Variants in PADI1 observed in about 807,000 individuals in gnomAD.
The protein encoded by PADI1 is peptidyl arginine deiminase 1.
PADI1 carries 65 observed loss-of-function variants against 74.8 expected under a neutral mutation model. The ratio of observed to expected loss-of-function variants is 0.87; its 90% CI spans 0.71 to 1.07. The LOEUF (loss-of-function observed/expected upper bound fraction) is 1.07. PADI1 is among the 50% of genes least tolerant of loss of function. The probability of loss-of-function intolerance (pLI) is 0.00; values close to 1 mark genes in which losing one functional copy is unlikely to be tolerated. For missense variants in PADI1, 943 were observed against 854.0 expected (o/e 1.10, Z -1.30); for synonymous variants, 371 against 336.2 (o/e 1.10, Z -1.13).
At chr1:17,210,502 C>A (rs1021064322) in intron 1 of PADI1, among the ~76,000 whole-genome samples, 1 of 152,112 alleles carries the variant, frequency 6.6e-6, no homozygotes, top group African/African-American at 2.4e-5. Flanking sequence ...AGCTGTCCCT[C>A]TTCTCCAGCC....
At chr1:17,216,424 C>T (rs371851496) in intron 1 of PADI1, among the ~76,000 whole-genome samples, 19 of 152,024 alleles carry the variant, frequency 1.2e-4, no homozygotes, top group South Asian at 1.0e-3. Context: ...GCTGGCTGTG[C>T]GAGTGAGGGA....
At chr1:17,218,651 A>C (rs2072044131) in intron 1 of PADI1, among the ~76,000 whole-genome samples, 2 of 152,230 alleles carry the variant, frequency 1.3e-5, no homozygotes, top group African/African-American at 4.8e-5. Context: ...GGCAGGTTGC[A>C]GACGCAAAGA....
At chr1:17,231,785 AT>A (rs2072495816) in intron 10 of PADI1, among the ~76,000 whole-genome samples, 1 of 151,438 alleles carries the variant, frequency 6.6e-6, no homozygotes, top group Non-Finnish European at 1.5e-5. Context: ...GTATATATAT[AT>A]TTTTTATTAT....
At chr1:17,218,503 T>G (rs1195704438) in intron 1 of PADI1, among the ~76,000 whole-genome samples, 1 of 151,732 alleles carries the variant, frequency 6.6e-6, no homozygotes, top group Non-Finnish European at 1.5e-5. Flanking sequence ...AGCTGCCAAG[T>G]GGGAAAGTGT....
chr1:17,213,073 G>C (rs955986749), intron 1 of PADI1, among the ~76,000 whole-genome samples: 8 of 152,128 alleles, frequency 5.3e-5, no homozygotes, highest in South Asian at 2.1e-4. Context: ...GGGCACACAC[G>C]CACTCATTTT....
chr1:17,218,326 T>G (rs1375514977), intron 1 of PADI1, among the ~76,000 whole-genome samples: 1 of 152,270 alleles, frequency 6.6e-6, no homozygotes, highest in Admixed American at 6.5e-5. Flanking sequence ...ATAATAAATT[T>G]ATATATACAT....
At position 17,207,652 on chromosome 1, in the gene PADI1, C is replaced by T. The variant is rs139864076; in HGVS notation, c.92+2343C>T. Reference sequence around the variant, plus strand: ...GGGAGCATAGGGTGTCTGTAAAGCTCCTTAGCGTCCTCAAATGCAGGCCCT... The same window carrying T: ...GGGAGCATAGGGTGTCTGTAAAGCTTCTTAGCGTCCTCAAATGCAGGCCCT... On this transcript the variant is annotated intron_variant, in intron 1 of 15. Transcript: ENST00000375471. 1.0e-3 allele frequency among the ~76,000 whole-genome samples: 157 copies of T among 152,316 alleles called. 1 individual carries two copies. The highest frequency in any genetic ancestry group is 3.6e-3 in the African/African-American group (150 of 41,556).
Position 17,228,649 on chromosome 1 carries a change from A to G in PADI1, c.677A>G (p.Lys226Arg). 6.2e-7 allele frequency: 1 copy of G among 1,614,132 alleles called. No homozygotes were observed. The highest frequency in any genetic ancestry group is 8.5e-7 in the Non-Finnish European group (1 of 1,180,012). Residue 226 changes from lysine to arginine, a missense_variant, in exon 7 of 16, where the codon AAA (lysine) becomes AGA (arginine). Coordinates refer to ENST00000375471, the MANE Select transcript of PADI1 (RefSeq NM_013358.3). ...ARGGNSLSDYKQVLGPQCLSY... is the reference protein window; with the variant it reads ...ARGGNSLSDYRQVLGPQCLSY... ...GGTGGGAATTCTCTCTCGGACTACAAACAGGTGCTGGGGCCCCAGTGTCTG... is the reference window on the plus strand; with the variant it reads ...GGTGGGAATTCTCTCTCGGACTACAGACAGGTGCTGGGGCCCCAGTGTCTG...
chr1:17,226,168 C>T lies in PADI1; in HGVS notation c.652+10C>T, dbSNP rs763449344. 3 of 1,613,892 alleles carry T rather than the reference C, an allele frequency of 1.9e-6. No homozygotes were observed. In the East Asian group the frequency reaches 6.7e-5, roughly 36 times the overall value. On this transcript the variant is annotated intron_variant, in intron 6 of 15. Transcript: ENST00000375471. ...GTCTTCTGTGCCAGGGGTGAGTGGC[C>T]TGATGGGGCCTTTTCCTCCCAGCTC...
intron 11 of PADI1, among the ~76,000 whole-genome samples, chr1:17,234,026 C>T (rs1461751157): frequency 1.3e-5 from 2 of 152,166 alleles, no homozygotes; most frequent in Non-Finnish European, 2.9e-5. Flanking sequence ...GTCCTTGAGG[C>T]CTCAGGACAG....
In PADI1 at chr1:17,224,372, T is replaced by A. The variant is rs1391040190; in HGVS notation, c.352T>A (p.Ser118Thr). The change falls in exon 4 of 16, where the codon TCC becomes ACC. Residue 118 changes from serine (S) to threonine (T), a missense_variant. Transcript: ENST00000375471. ...SVLYLTGVDI[S>T]LEVDTGRTGK... ...CCCTCTCCATCTCTTTGCAGATATT[T>A]CCCTTGAGGTTGACACAGGCCGCAC... is the stretch of plus-strand genomic sequence containing the variant. The A allele has an allele frequency of 5.0e-6, 8 of 1,613,676 alleles. No individual in the cohort carries two copies.
chr1:17,215,646 C>T (rs889279841), intron 1 of PADI1, among the ~76,000 whole-genome samples: 3 of 152,014 alleles, frequency 2.0e-5, no homozygotes, highest in African/African-American at 4.8e-5. Flanking sequence ...TGGGCCAGGC[C>T]GACTGGATTC....
chr1:17,237,911 G>C (rs1371245314), intron 12 of PADI1, among the ~76,000 whole-genome samples: 1 of 152,226 alleles, frequency 6.6e-6, no homozygotes, highest in Non-Finnish European at 1.5e-5. Flanking sequence ...AAGCCTTGCA[G>C]AGGTGGCTTG....
chr1:17,215,518 G>A (rs536773802), intron 1 of PADI1, among the ~76,000 whole-genome samples: 12 of 152,234 alleles, frequency 7.9e-5, no homozygotes, highest in African/African-American at 2.6e-4. Context: ...CCTTGAAAGG[G>A]CTGTGTCTGG....
Position 17,244,283 on chromosome 1 carries a change from G to A in PADI1, c.*40G>A, listed in dbSNP as rs1569860950. On this transcript the variant is annotated 3_prime_UTR_variant, in exon 16 of 16. Transcript: ENST00000375471. Reference sequence around the variant, plus strand: ...GCCATCCTCTCTGCCCTCTTGCTAGGGAACCCTGCCAGGGTGAAGGCAAGG... The same window carrying A: ...GCCATCCTCTCTGCCCTCTTGCTAGAGAACCCTGCCAGGGTGAAGGCAAGG... 2.0e-6 allele frequency: 3 copies of A among 1,499,550 alleles called. No individual in the cohort carries two copies. Among genetic ancestry groups the A allele is most frequent in the Non-Finnish European group, 2.8e-6 (3 of 1,075,592 alleles). 92.9% of individuals were successfully genotyped at this position (1,499,550 alleles called of 1,614,324 possible).
chr1:17,240,835 G>C (rs953800093), intron 15 of PADI1, 75 bp downstream of exon 15: 1 of 1,537,978 alleles, frequency 6.5e-7, no homozygotes, highest in Non-Finnish European at 8.9e-7. Context: ...GCCCAGGGCA[G>C]GCTGGTGCAG....
chr1:17,234,989 C>T (rs1231162902), intron 11 of PADI1, among the ~76,000 whole-genome samples: 6 of 151,960 alleles, frequency 3.9e-5, no homozygotes, highest in African/African-American at 9.7e-5. Flanking sequence ...TGATGGTGCA[C>T]GCCCATGGTC....
chr1:17,234,406 A>G (rs2072578327), intron 11 of PADI1, among the ~76,000 whole-genome samples: 2 of 152,062 alleles, frequency 1.3e-5, no homozygotes, highest in South Asian at 4.1e-4. Context: ...CGTGTCAACC[A>G]CCTCTTGAAT....
chr1:17,231,279 C>T (rs2072484229), intron 10 of PADI1, among the ~76,000 whole-genome samples: 1 of 152,158 alleles, frequency 6.6e-6, no homozygotes, highest in African/African-American at 2.4e-5. Context: ...GAAATCAAGG[C>T]TCAGGGAGGT....
Sources: gnomAD v4.1 joint callset for allele counts (sites outside exome capture counted in the v4.1 genomes callset) on GRCh38, gnomAD v4.1.1 for gene constraint, MANE v1.5 for transcripts, NCBI Gene and HGNC (gene_info 2026-07-23, HGNC 2026-07-21) for gene names.